The following TRAFD1 variants were observed in gnomAD, a reference collection of about 807,000 sequenced individuals.
TRAFD1 encodes the protein TRAF-type zinc finger domain containing 1, also known as TRAF-type zinc finger domain-containing protein 1.
A neutral mutation model predicts 65.3 loss-of-function variants in TRAFD1; 38 were observed. The ratio of observed to expected loss-of-function variants is 0.58; its 90% CI spans 0.45 to 0.76. The LOEUF is 0.76. Among genes scored for constraint, TRAFD1 ranks in the 30% least tolerant of loss-of-function variants. The probability of loss-of-function intolerance (pLI) is 0.00; values close to 1 mark genes in which losing one functional copy is unlikely to be tolerated. For synonymous variants in TRAFD1, 223 were observed against 257.2 expected (o/e 0.87, Z 1.27); for missense variants, 631 against 712.6 (o/e 0.89, Z 1.30).
In TRAFD1 at chr12:112,130,411, G is replaced by A. The variant is rs533280974; in HGVS notation, c.-12-100G>A. ...AAAATGCTTTAACATGCAGGTTTGG[G>A]TGACAGTTTCTGTATACTAGTTTTT... On this transcript the variant is annotated intron_variant, in intron 1 of 11. Transcript: ENST00000412615. The surrounding 1 kb of genome is among the most constrained non-coding windows in gnomAD (Gnocchi z 4.4). 6 of 806,558 alleles carry A rather than the reference G, an allele frequency of 7.4e-6. No homozygotes were observed. The highest frequency in any genetic ancestry group is 4.7e-5 in the Admixed American group (2 of 42,860). The allele number at this position is 806,558 out of a possible 1,614,324, so 50.0% of individuals were successfully genotyped here.
At position 112,152,586 on chromosome 12, in the gene TRAFD1, G is replaced by A; in HGVS notation, c.1692+87G>A. 6.3e-7 allele frequency: 1 copy of A among 1,595,738 alleles called. No individual in the cohort carries two copies. Among genetic ancestry groups the A allele is most frequent in the Non-Finnish European group, 8.6e-7 (1 of 1,166,438 alleles). ...GCTCCTGAAGTTGTAGAAGTTGTTG[G>A]GACCAGGCTGGTTGTGGTTCAAAGA... is the stretch of plus-strand genomic sequence containing the variant. On this transcript the variant is annotated intron_variant, in intron 11 of 11. Coordinates refer to ENST00000412615, the MANE Select transcript of TRAFD1 (RefSeq NM_006700.3). The surrounding 1 kb of genome is among the most constrained non-coding windows in gnomAD (Gnocchi z 5.0).
At chr12:112,125,660 C>T (rs1055016693) in intron 1 of TRAFD1, 42 bp downstream of exon 1, 3 of 152,440 alleles carry the variant, frequency 2.0e-5, no homozygotes, top group African/African-American at 7.2e-5. Flanking sequence ...TCCCCTGTGG[C>T]CTCCAGTTTA....
At chr12:112,143,485 A>G (rs1490641764) in intron 6 of TRAFD1, among the ~76,000 whole-genome samples, 1 of 152,112 alleles carries the variant, frequency 6.6e-6, no homozygotes, top group Non-Finnish European at 1.5e-5. Context: ...TCAGCCTCCC[A>G]AAGTGCTGGG....
At chr12:112,126,304 T>C (rs576498222) in intron 1 of TRAFD1, among the ~76,000 whole-genome samples, 2 of 152,228 alleles carry the variant, frequency 1.3e-5, no homozygotes, top group South Asian at 4.1e-4. Flanking sequence ...GACGGTCCCC[T>C]CTGCGGACTA....
chr12:112,141,383 C>G (rs550573547), intron 5 of TRAFD1, 159 bp downstream of exon 5: 2 of 831,968 alleles, frequency 2.4e-6, no homozygotes, highest in Non-Finnish European at 3.6e-6. Context: ...TGGAAATAAC[C>G]TCCATTGGAT....
At position 112,152,313 on chromosome 12, in the gene TRAFD1, T is replaced by C. The variant is rs2136984002; in HGVS notation, c.1620-114T>C. On this transcript the variant is annotated intron_variant, in intron 10 of 11. Transcript: ENST00000412615. This position sits in a 1 kb window ranked among gnomAD's most constrained non-coding sequence, Gnocchi z 5.0. ...ACTCCAAAAAAATTATTTTGTGGCC[T>C]ATGGGTTTTTTGGGGTTTGTCTGCT... is the stretch of plus-strand genomic sequence containing the variant. The C allele has an allele frequency of 2.0e-6, 3 of 1,476,932 alleles. No individual in the cohort carries two copies. Among genetic ancestry groups the C allele is most frequent in the South Asian group, 1.2e-5 (1 of 83,002 alleles). 91.5% of individuals were successfully genotyped at this position (1,476,932 alleles called of 1,614,324 possible). A position where few individuals can be genotyped will look rare whatever the true frequency, so the allele number is the denominator to read the frequency against.
chr12:112,140,269 A>T (rs2136975010), intron 4 of TRAFD1: 1 of 182,252 alleles, frequency 5.5e-6, no homozygotes, highest in South Asian at 7.8e-5. Context: ...AAATACAAAA[A>T]ATTAAGTGGG....
intron 6 of TRAFD1, 49 bp downstream of exon 6, chr12:112,142,344 G>A: frequency 1.3e-6 from 2 of 1,547,314 alleles, no homozygotes; most frequent in East Asian, 4.6e-5. Context: ...GTTTTTGTAA[G>A]TCTTAGGTTA....
intron 6 of TRAFD1, among the ~76,000 whole-genome samples, chr12:112,144,183 C>T (rs1001824267): frequency 1.3e-5 from 2 of 151,990 alleles, no homozygotes; most frequent in African/African-American, 2.4e-5. Flanking sequence ...AGTTTTCTAG[C>T]ATGTTCCTCT....
intron 6 of TRAFD1, among the ~76,000 whole-genome samples, chr12:112,142,542 A>G (rs1204242145): frequency 6.6e-6 from 1 of 151,470 alleles, no homozygotes; most frequent in Non-Finnish European, 1.5e-5. Context: ...CTGCCTCCCA[A>G]GTAGCTGGGA....
intron 4 of TRAFD1, among the ~76,000 whole-genome samples, chr12:112,138,065 A>C (rs907539600): frequency 8.6e-5 from 13 of 151,898 alleles, no homozygotes; most frequent in African/African-American, 2.9e-4. Flanking sequence ...ATATCGTGAG[A>C]CCCCTATCTC....
intron 8 of TRAFD1, 171 bp from the exon 9 acceptor site, chr12:112,149,580 T>TG: frequency 6.6e-6 from 5 of 757,196 alleles, no homozygotes; most frequent in Non-Finnish European, 1.0e-5. Flanking sequence ...CATGTGCCGA[T>TG]GGGATTGAAT....
intron 6 of TRAFD1, among the ~76,000 whole-genome samples, chr12:112,144,610 A>G (rs1354461799): frequency 6.6e-6 from 1 of 152,176 alleles, no homozygotes; most frequent in African/African-American, 2.4e-5. Flanking sequence ...GCTGAGCATC[A>G]TGTCTCATTC....
At position 112,148,065 on chromosome 12, in the gene TRAFD1, G is replaced by T; in HGVS notation, c.928-9G>T. Reference sequence around the variant, plus strand: ...TTCTTGTTTTTAACCTATATTTTTTGAATGACAGACAAGCTGTAACCCTTC... The same window carrying T: ...TTCTTGTTTTTAACCTATATTTTTTTAATGACAGACAAGCTGTAACCCTTC... On this transcript the variant is annotated splice_polypyrimidine_tract_variant and intron_variant, in intron 7 of 11. Transcript: ENST00000412615. The T allele has an allele frequency of 1.3e-6, 2 of 1,598,302 alleles. No individual in the cohort carries two copies. Among genetic ancestry groups the T allele is most frequent in the South Asian group, 2.2e-5 (2 of 89,214 alleles).
At position 112,129,358 on chromosome 12, in the gene TRAFD1, C is replaced by T. The variant is rs190715823; in HGVS notation, c.-12-1153C>T. Among the ~76,000 whole-genome samples the T allele has an allele frequency of 3.4e-4, 51 of 151,914 alleles. No homozygotes were observed. In the East Asian group the frequency reaches 5.5e-3, roughly 16 times the overall value. Reference sequence around the variant, plus strand: ...TTGGGACCACAGGTGTGTGCCACCACGTCTGGCTAATTTTTAAATTGTTTG... The same window carrying T: ...TTGGGACCACAGGTGTGTGCCACCATGTCTGGCTAATTTTTAAATTGTTTG... On this transcript the variant is annotated intron_variant, in intron 1 of 11. Transcript: ENST00000412615.
Position 112,141,155 on chromosome 12 carries a change from G to T in TRAFD1, c.574G>T (p.Asp192Tyr). The change falls in exon 5 of 12, where the codon GAT (aspartate) becomes TAT (tyrosine). Residue 192 changes from aspartate to tyrosine, a missense_variant. By Grantham distance (160) the Asp-to-Tyr change is radical. Transcript: ENST00000412615. ...AAGGCCCCTGAGAGCCTTTGAATCA[G>T]ATGTTTTCCACAATAGAACTACCAA... ...PRRPLRAFES[D>Y]VFHNRTTNQR... The T allele has an allele frequency of 6.2e-7, 1 of 1,614,180 alleles. No homozygotes were observed. Among genetic ancestry groups the T allele is most frequent in the South Asian group, 1.1e-5 (1 of 91,086 alleles).
At chr12:112,138,857 C>CAA (rs58777732) in intron 4 of TRAFD1, among the ~76,000 whole-genome samples, 18 of 83,220 alleles carry the variant, frequency 2.2e-4, no homozygotes, top group Non-Finnish European at 3.1e-4. Context: ...AACTCCGTCT[C>CAA]AAAAAAAAAA....
intron 1 of TRAFD1, among the ~76,000 whole-genome samples, chr12:112,127,061 CCTT>C (rs1395355593): frequency 6.6e-6 from 1 of 152,190 alleles, no homozygotes; most frequent in Non-Finnish European, 1.5e-5. Flanking sequence ...TATGACAAGA[CCTT>C]CTTGAGTCAT....
Position 112,143,358 on chromosome 12 carries a change from C to T in TRAFD1, c.850+1063C>T, listed in dbSNP as rs150536481. On this transcript the variant is annotated intron_variant, in intron 6 of 11. Transcript: ENST00000412615. ...CCTCCCAAAGTGCTGGGATTACAGG[C>T]GTGAGCTACTGCGCCCAGCCATGCC... is the stretch of plus-strand genomic sequence containing the variant. Among the ~76,000 whole-genome samples, 989 of 152,020 alleles carry T rather than the reference C, an allele frequency of 6.5e-3. 10 individuals are homozygous for T. The highest frequency in any genetic ancestry group is 0.023 in the African/African-American group (963 of 41,474).
Sources: gnomAD v4.1 joint callset for allele counts (sites outside exome capture counted in the v4.1 genomes callset) on GRCh38, gnomAD v4.1.1 for gene constraint, Gnocchi (gnomAD v3.1) non-coding constraint, MANE v1.5 for transcripts, NCBI Gene and HGNC (gene_info 2026-07-23, HGNC 2026-07-21) for gene names.